CDH6: variants seen among roughly 807,000 people sequenced by gnomAD.
CDH6 encodes cadherin 6.
A neutral mutation model predicts 78.0 loss-of-function variants in CDH6; 31 were observed. That is an observed-to-expected ratio of 0.40 (90% CI 0.30 to 0.54). The LOEUF is 0.54. CDH6 is among the 20% of genes least tolerant of loss of function. CDH6 has a pLI of 0.56. For missense variants in CDH6, 724 were observed against 975.9 expected (o/e 0.74, Z 3.44); for synonymous variants, 376 against 368.8 (o/e 1.02, Z -0.23).
Position 31,317,713 on chromosome 5 carries a change from T to C in CDH6, c.1671T>C (p.Asn557=), listed in dbSNP as rs138220136. The C allele has an allele frequency of 8.1e-4, 1,309 of 1,613,778 alleles. 18 individuals carry two copies. The highest frequency in any genetic ancestry group is 2.0e-4 in the Non-Finnish European group (240 of 1,179,802). ...TCTTAACTCGGAAAAATGGCTATAATAGACACGAGATGAGCACCTATCTCT... is the reference window on the plus strand; with the variant it reads ...TCTTAACTCGGAAAAATGGCTATAACAGACACGAGATGAGCACCTATCTCT... ...AGILTRKNGY[N]RHEMSTYLLP... The change falls in exon 11 of 12, where the codon AAT becomes AAC. Residue 557 remains asparagine, a synonymous_variant. Transcript: ENST00000265071.
At chr5:31,265,151 A>C (rs1168625007) in intron 1 of CDH6, among the ~76,000 whole-genome samples, 1 of 152,200 alleles carries the variant, frequency 6.6e-6, no homozygotes, top group Non-Finnish European at 1.5e-5. Flanking sequence ...CACAGAATCG[A>C]CCTCAGTGTA....
rs138286374 is a variant in CDH6 at position 31,266,592 on chromosome 5, A to G, written c.-128-754A>G. Among the ~76,000 whole-genome samples, 944 of 152,272 alleles carry G rather than the reference A, an allele frequency of 6.2e-3. 6 individuals are homozygous for G. The highest frequency in any genetic ancestry group is 9.2e-3 in the Non-Finnish European group (623 of 68,022). On this transcript the variant is annotated intron_variant, in intron 1 of 11. Coordinates refer to ENST00000265071, the MANE Select transcript of CDH6 (RefSeq NM_004932.4). ...ACAGTCTATTAAATACAAATTCTAT[A>G]GGTTGCTGAATCACCCATCCTATAG...
chr5:31,286,311 G>C (rs1160135825), intron 2 of CDH6, among the ~76,000 whole-genome samples: 3 of 152,118 alleles, frequency 2.0e-5, no homozygotes, highest in Non-Finnish European at 4.4e-5. Context: ...TGGCTAAGTG[G>C]GGAATGAATT....
intron 2 of CDH6, among the ~76,000 whole-genome samples, chr5:31,275,224 A>C (rs571202915): frequency 6.6e-6 from 1 of 152,322 alleles, no homozygotes; most frequent in African/African-American, 2.4e-5. Context: ...TTCAGAGAGT[A>C]CATGTACAGG....
intron 3 of CDH6, among the ~76,000 whole-genome samples, chr5:31,297,051 C>T (rs947564424): frequency 2.0e-5 from 3 of 152,116 alleles, no homozygotes; most frequent in Non-Finnish European, 4.4e-5. Flanking sequence ...GGAATCAGTT[C>T]CACCCCAAGT....
rs763953119 is a variant in CDH6 at position 31,299,586 on chromosome 5, A to G, written c.766A>G (p.Ile256Val). The change falls in exon 5 of 12, where the codon ATC becomes GTC. Residue 256 changes from isoleucine to valine, a missense_variant. Physicochemically the swap from Ile to Val is conservative, Grantham distance 29. Transcript: ENST00000265071. ...ATTATCTGGGACCACCACCGTGAAC[A>G]TCACACTGACTGATGTCAACGACAA... is the stretch of plus-strand genomic sequence containing the variant. ...GGLSGTTTVN[I>V]TLTDVNDNPP... 1.9e-6 allele frequency: 3 copies of G among 1,613,900 alleles called. No homozygotes were observed. Among genetic ancestry groups the G allele is most frequent in the African/African-American group, 2.7e-5 (2 of 74,926 alleles).
intron 8 of CDH6, among the ~76,000 whole-genome samples, chr5:31,314,602 T>G (rs1017727636): frequency 6.6e-6 from 1 of 151,916 alleles, no homozygotes; most frequent in Admixed American, 6.6e-5. Flanking sequence ...TAGAAATTAG[T>G]TAGGTAGGAA....
intron 1 of CDH6, among the ~76,000 whole-genome samples, chr5:31,235,240 T>TC (rs1169734385): frequency 6.8e-6 from 1 of 148,134 alleles, no homozygotes; most frequent in Non-Finnish European, 1.5e-5. Context: ...CTTTTTCTTT[T>TC]TTTTTTTTTT....
chr5:31,196,941 T>G (rs970694499), intron 1 of CDH6, among the ~76,000 whole-genome samples: 1 of 152,152 alleles, frequency 6.6e-6, no homozygotes, highest in African/African-American at 2.4e-5. Context: ...AAGTTCTACA[T>G]GAAGAGCGCC....
In CDH6 at chr5:31,321,158, C is replaced by A. The variant is rs1487196460; in HGVS notation, c.1883-1660C>A. Among the ~76,000 whole-genome samples, 5 of 138,492 alleles carry A rather than the reference C, an allele frequency of 3.6e-5. No homozygotes were observed. In the East Asian group the frequency reaches 7.6e-4, roughly 21 times the overall value. 90.9% of individuals were successfully genotyped at this position (138,492 alleles called of 152,430 possible). A position where few individuals can be genotyped will look rare whatever the true frequency, so the allele number is the denominator to read the frequency against. ...ATTTTGTCTCCATCCAACTGTCCCCCACCCCACCCACCCACTCAGTGCCTA... is the reference window on the plus strand; with the variant it reads ...ATTTTGTCTCCATCCAACTGTCCCCAACCCCACCCACCCACTCAGTGCCTA... On this transcript the variant is annotated intron_variant, in intron 11 of 11. Transcript: ENST00000265071.
intron 2 of CDH6, among the ~76,000 whole-genome samples, chr5:31,274,924 TAAAC>T (rs1158798892): frequency 1.3e-5 from 2 of 152,222 alleles, no homozygotes; most frequent in African/African-American, 4.8e-5. Flanking sequence ...TCCAACAAGT[TAAAC>T]AGAGGTAGAA....
chr5:31,316,054 C>T (rs796961939), intron 8 of CDH6, among the ~76,000 whole-genome samples, 154 bp from the exon 9 acceptor site: 13 of 152,296 alleles, frequency 8.5e-5, no homozygotes, highest in African/African-American at 3.1e-4. Flanking sequence ...TCTAATTGTA[C>T]TTTTTGTGAC....
intron 1 of CDH6, among the ~76,000 whole-genome samples, chr5:31,226,061 G>A (rs1741142823): frequency 6.6e-6 from 1 of 152,130 alleles, no homozygotes; most frequent in African/African-American, 2.4e-5. Context: ...CTGAAATAAA[G>A]TAATGCACTT....
At chr5:31,299,962 A>C (rs1270349813) in intron 5 of CDH6, among the ~76,000 whole-genome samples, 2 of 152,252 alleles carry the variant, frequency 1.3e-5, no homozygotes, top group African/African-American at 4.8e-5. Flanking sequence ...GTTGGAAAAA[A>C]TTTGACTTTA....
chr5:31,257,214 G>C (rs185126426), intron 1 of CDH6, among the ~76,000 whole-genome samples: 4,152 of 152,098 alleles, frequency 0.027, 203 homozygotes, highest in African/African-American at 0.095. Flanking sequence ...CCCAGGTGGA[G>C]TGCAGTGGCG....
intron 1 of CDH6, among the ~76,000 whole-genome samples, chr5:31,227,674 T>C (rs915773810): frequency 1.7e-4 from 26 of 152,116 alleles, no homozygotes; most frequent in Non-Finnish European, 1.5e-4. Context: ...CCAACTCCAA[T>C]TTTATTCTGT....
At chr5:31,307,550 TTAA>T (rs1274099898) in intron 7 of CDH6, among the ~76,000 whole-genome samples, 1 of 152,226 alleles carries the variant, frequency 6.6e-6, no homozygotes, top group Non-Finnish European at 1.5e-5. Context: ...TTTAATATTG[TTAA>T]TAAGGAAATG....
intron 6 of CDH6, among the ~76,000 whole-genome samples, chr5:31,302,834 A>AAG (rs1437029992): frequency 2.0e-5 from 3 of 146,386 alleles, no homozygotes; most frequent in African/African-American, 7.5e-5. Context: ...GAAAGAAAGA[A>AAG]AGAAAGAAAG....
Position 31,325,805 on chromosome 5 carries a change from G to T in CDH6, c.*2497G>T, listed in dbSNP as rs517167. The T allele has an allele frequency of 1.0e-2, 2,306 of 231,288 alleles. 49 individuals are homozygous for T. The highest frequency in any genetic ancestry group is 0.046 in the African/African-American group (2,105 of 45,366). The allele number at this position is 231,288 out of a possible 1,614,324, so 14.3% of individuals were successfully genotyped here. A position where few individuals can be genotyped will look rare whatever the true frequency, so the allele number is the denominator to read the frequency against. On this transcript the variant is annotated 3_prime_UTR_variant, in exon 12 of 12. Coordinates refer to ENST00000265071, the MANE Select transcript of CDH6 (RefSeq NM_004932.4). ...ATCTCTTATCATAAAAGCTGATGAT[G>T]AAGTAAATTTATAGGAAATTGGATA...
Sources: gnomAD v4.1 joint callset for allele counts (sites outside exome capture counted in the v4.1 genomes callset) on GRCh38, gnomAD v4.1.1 for gene constraint, MANE v1.5 for transcripts, NCBI Gene and HGNC (gene_info 2026-07-23, HGNC 2026-07-21) for gene names.